SLC35F1: variants seen among roughly 807,000 people sequenced by gnomAD.
The protein encoded by SLC35F1 is chromosome 6 open reading frame 169.
SLC35F1 carries 14 observed loss-of-function variants against 48.7 expected under a neutral mutation model. The observed-to-expected ratio is 0.29, with a 90% confidence interval of 0.19 to 0.45. The LOEUF (loss-of-function observed/expected upper bound fraction) is 0.45. SLC35F1 is among the 20% of genes least tolerant of loss of function. SLC35F1 has a pLI of 1.00. For synonymous variants in SLC35F1, 190 were observed against 202.2 expected, an observed-to-expected ratio of 0.94 and a Z score of 0.51; for missense variants, 404 against 500.0, an observed-to-expected ratio of 0.81 and a Z score of 1.83.
intron 1 of SLC35F1, among the ~76,000 whole-genome samples, chr6:118,016,702 A>G (rs1188165131): frequency 6.6e-6 from 1 of 152,152 alleles, no homozygotes; most frequent in Non-Finnish European, 1.5e-5. Flanking sequence ...GGTAGTTAAT[A>G]TTTGCTTAGC....
intron 1 of SLC35F1, among the ~76,000 whole-genome samples, chr6:117,979,216 G>A (rs1776743904): frequency 6.6e-6 from 1 of 152,174 alleles, no homozygotes; most frequent in South Asian, 2.1e-4. Flanking sequence ...ATCACCTCCT[G>A]TGTCAAAAAA....
At chr6:117,923,758 C>CACGTGTATATATACATATATGTACAT (rs1554216764) in intron 1 of SLC35F1, among the ~76,000 whole-genome samples, 1 of 51,832 alleles carries the variant, frequency 1.9e-5, no homozygotes, top group African/African-American at 5.9e-5. Context: ...TACATATATA[C>CACGTGTATATATACATATATGTACAT]ATATGCACAT....
At chr6:117,982,797 C>T (rs1288199388) in intron 1 of SLC35F1, among the ~76,000 whole-genome samples, 1 of 152,158 alleles carries the variant, frequency 6.6e-6, no homozygotes, top group Admixed American at 6.5e-5. Context: ...CACTAAGATC[C>T]ATGGAGAATG....
intron 7 of SLC35F1, among the ~76,000 whole-genome samples, chr6:118,287,551 A>C (rs1776066035): frequency 6.6e-6 from 1 of 152,172 alleles, no homozygotes; most frequent in African/African-American, 2.4e-5. Flanking sequence ...GCTTGATAAA[A>C]ATGCAGATTT....
intron 1 of SLC35F1, among the ~76,000 whole-genome samples, chr6:118,007,515 A>G (rs1777189112): frequency 6.6e-6 from 1 of 152,126 alleles, no homozygotes; most frequent in Non-Finnish European, 1.5e-5. Flanking sequence ...TCATGTTCCA[A>G]GCATACCCCT....
At chr6:118,079,933 C>A (rs1434337863) in intron 1 of SLC35F1, among the ~76,000 whole-genome samples, 2 of 152,148 alleles carry the variant, frequency 1.3e-5, no homozygotes, top group African/African-American at 4.8e-5. Context: ...TATTCTCTTA[C>A]TTTCTATGTT....
At chr6:118,144,746 T>C (rs1286483046) in intron 1 of SLC35F1, among the ~76,000 whole-genome samples, 1 of 152,030 alleles carries the variant, frequency 6.6e-6, no homozygotes, top group Non-Finnish European at 1.5e-5. Context: ...GAAAACAATA[T>C]TTATTTTATA....
chr6:117,949,342 T>C (rs1776334086), intron 1 of SLC35F1, among the ~76,000 whole-genome samples: 1 of 152,194 alleles, frequency 6.6e-6, no homozygotes, highest in Admixed American at 6.5e-5. Flanking sequence ...CTTGAAATTA[T>C]TAGGAATAAT....
At chr6:117,921,562 G>C (rs755710175) in intron 1 of SLC35F1, among the ~76,000 whole-genome samples, 1 of 152,150 alleles carries the variant, frequency 6.6e-6, no homozygotes, top group Non-Finnish European at 1.5e-5. Flanking sequence ...GCCCCTAGTG[G>C]GATACATGCC....
At chr6:118,154,736 G>T in intron 2 of SLC35F1, 116 bp downstream of exon 2, 1 of 973,176 alleles carries the variant, frequency 1.0e-6, no homozygotes, top group Non-Finnish European at 1.5e-6. Flanking sequence ...GAAAACCCCA[G>T]ATCTTACTTT....
At chr6:118,171,236 T>C (rs1003008465) in intron 2 of SLC35F1, among the ~76,000 whole-genome samples, 1 of 152,016 alleles carries the variant, frequency 6.6e-6, no homozygotes, top group African/African-American at 2.4e-5. Flanking sequence ...AGTGGGGTTT[T>C]GCCATGTTGG....
intron 3 of SLC35F1, among the ~76,000 whole-genome samples, chr6:118,250,404 G>T (rs1301693994): frequency 6.6e-6 from 1 of 152,202 alleles, no homozygotes; most frequent in Admixed American, 6.5e-5. Context: ...TAAAATACTT[G>T]TAGGGTCACT....
At chr6:118,218,944 C>A (rs1283430828) in intron 2 of SLC35F1, among the ~76,000 whole-genome samples, 2 of 152,094 alleles carry the variant, frequency 1.3e-5, no homozygotes, top group African/African-American at 4.8e-5. Context: ...AACCATTTTT[C>A]AAGAAAGACA....
chr6:118,162,825 A>T (rs1275869645), intron 2 of SLC35F1, among the ~76,000 whole-genome samples: 1 of 152,204 alleles, frequency 6.6e-6, no homozygotes, highest in Admixed American at 6.5e-5. Context: ...AAACACACAC[A>T]TTCCATACAT....
intron 3 of SLC35F1, among the ~76,000 whole-genome samples, chr6:118,266,614 G>A (rs1459459185): frequency 1.3e-5 from 2 of 151,974 alleles, no homozygotes; most frequent in South Asian, 2.1e-4. Flanking sequence ...TAAAATAGGG[G>A]GACAATGTAA....
chr6:118,241,621 A>G (rs1333066326), intron 3 of SLC35F1, among the ~76,000 whole-genome samples: 3 of 150,922 alleles, frequency 2.0e-5, no homozygotes, highest in Admixed American at 6.6e-5. Context: ...GTGTAGTTCT[A>G]TGCACTTTGG....
intron 1 of SLC35F1, among the ~76,000 whole-genome samples, chr6:118,138,357 A>T (rs1773829250): frequency 6.6e-6 from 1 of 152,048 alleles, no homozygotes; most frequent in Non-Finnish European, 1.5e-5. Flanking sequence ...ACAGGAGGAA[A>T]ATCACATAAC....
chr6:117,926,736 GAGTTA>G (rs1196936571), intron 1 of SLC35F1, among the ~76,000 whole-genome samples: 2 of 152,206 alleles, frequency 1.3e-5, no homozygotes, highest in East Asian at 3.9e-4. Context: ...CAGGGCTTTG[GAGTTA>G]AGTTGTGTAT....
chr6:117,972,014 G>A (rs955318826), intron 1 of SLC35F1, among the ~76,000 whole-genome samples: 2 of 152,130 alleles, frequency 1.3e-5, no homozygotes, highest in East Asian at 1.9e-4. Flanking sequence ...CCAGAAAAAG[G>A]GTTTTTCTTT....
Sources: allele counts gnomAD v4.1 joint callset (sites outside exome capture counted in the v4.1 genomes callset), GRCh38; gene constraint gnomAD v4.1.1; transcripts MANE v1.5; gene names NCBI Gene and HGNC (gene_info 2026-07-23, HGNC 2026-07-21).